AKAP10: variants seen among roughly 807,000 people sequenced by gnomAD.
The protein encoded by AKAP10 is A-kinase anchor protein 10, mitochondrial.
Under a neutral mutation model 80.8 loss-of-function variants are expected in AKAP10, and 24 were observed. The ratio of observed to expected loss-of-function variants is 0.30; its 90% CI spans 0.22 to 0.42. The LOEUF is 0.42. Ranked by LOEUF, AKAP10 falls within the 10% of genes least tolerant of loss-of-function variation. The probability of loss-of-function intolerance (pLI) is 1.00; values close to 1 mark genes in which losing one functional copy is unlikely to be tolerated. For synonymous variants in AKAP10, 291 were observed against 277.7 expected, an observed-to-expected ratio of 1.05 and a Z score of -0.48; for missense variants, 661 against 794.9, an observed-to-expected ratio of 0.83 and a Z score of 2.03.
rs778999187 is a variant in AKAP10, at chr17:19,958,316, T to C, written c.575A>G (p.His192Arg). ...AGTTAAAAAAGACGCTGTAGTTTCA[T>C]GCTTTTTAGATGGAGAGACAGGCTC... Reference protein sequence around the residue: ...LAEPVSPSKKHETTASFLTDS... With the variant: ...LAEPVSPSKKRETTASFLTDS... Residue 192 changes from histidine to arginine, a missense_variant, in exon 4 of 15, where the codon CAT (histidine) becomes CGT (arginine). Coordinates refer to ENST00000225737, the MANE Select transcript of AKAP10 (RefSeq NM_007202.4). The C allele has an allele frequency of 7.4e-6, 12 of 1,614,140 alleles. No individual in the cohort carries two copies. The highest frequency in any genetic ancestry group is 1.3e-5 in the African/African-American group (1 of 74,952).
chr17:19,949,748 CAGAA>C (rs906774994), intron 4 of AKAP10, among the ~76,000 whole-genome samples: 33 of 120,478 alleles, frequency 2.7e-4, no homozygotes, highest in Non-Finnish European at 5.0e-4. Flanking sequence ...AGCCTGGTAA[CAGAA>C]AGAGAGACTC....
rs1458300987 is a variant in AKAP10 at position 19,947,413 on chromosome 17, T to C, written c.970A>G (p.Ile324Val). The C allele has an allele frequency of 1.9e-6, 3 of 1,605,560 alleles. No individual in the cohort carries two copies. The highest frequency in any genetic ancestry group is 2.2e-5 in the East Asian group (1 of 44,812). The change falls in exon 5 of 15, where the codon ATC becomes GTC. Residue 324 changes from isoleucine to valine, a missense_variant. Ile to Val is a conservative substitution (Grantham distance 29). Coordinates refer to ENST00000225737, the MANE Select transcript of AKAP10 (RefSeq NM_007202.4). ...IPITEAMRND[I>V]IARICGEDGQ... ...AGTTTCAAGCACTGCTTACCTATGATGTCATTTCTCATTGCTTCTGTAATT... is the reference window on the plus strand; with the variant it reads ...AGTTTCAAGCACTGCTTACCTATGACGTCATTTCTCATTGCTTCTGTAATT...
intron 3 of AKAP10, among the ~76,000 whole-genome samples, chr17:19,960,163 C>A (rs1355196961): frequency 6.6e-6 from 1 of 152,188 alleles, no homozygotes. Context: ...AGTACAATAT[C>A]ACTCTAAGAT....
chr17:19,970,961 G>T (rs1414012258), intron 1 of AKAP10, among the ~76,000 whole-genome samples: 1 of 151,754 alleles, frequency 6.6e-6, no homozygotes, highest in Non-Finnish European at 1.5e-5. Context: ...GAGTGCAGTG[G>T]CCTGATAACA....
At chr17:19,910,575 A>T (rs776815060) in intron 12 of AKAP10, among the ~76,000 whole-genome samples, 35 of 152,230 alleles carry the variant, frequency 2.3e-4, no homozygotes, top group Non-Finnish European at 4.4e-4. Flanking sequence ...TTGATGAAAG[A>T]ACTAACATCT....
At chr17:19,949,676 G>A (rs2043176444) in intron 4 of AKAP10, among the ~76,000 whole-genome samples, 2 of 150,768 alleles carry the variant, frequency 1.3e-5, no homozygotes, top group South Asian at 4.2e-4. Flanking sequence ...GCTGAGGCAG[G>A]AGAAACACTT....
intron 10 of AKAP10, among the ~76,000 whole-genome samples, chr17:19,930,266 G>C (rs1194824438): frequency 1.3e-5 from 2 of 152,142 alleles, no homozygotes; most frequent in African/African-American, 4.8e-5. Context: ...AAGAACACTA[G>C]AAGGGGAATA....
chr17:19,945,167 T>C (rs1397201855), intron 5 of AKAP10, among the ~76,000 whole-genome samples: 4 of 152,240 alleles, frequency 2.6e-5, no homozygotes, highest in Non-Finnish European at 5.9e-5. Context: ...AACTTGATCC[T>C]TCAGAAGACT....
At chr17:19,944,409 T>C (rs925633413) in intron 5 of AKAP10, among the ~76,000 whole-genome samples, 2 of 152,134 alleles carry the variant, frequency 1.3e-5, no homozygotes, top group South Asian at 2.1e-4. Context: ...CTCAGCACTT[T>C]GGGAGGCCAA....
chr17:19,962,923 T>C lies in AKAP10; in HGVS notation c.236A>G (p.Asn79Ser), dbSNP rs779628139. 2.1e-5 allele frequency: 34 copies of C among 1,614,126 alleles called. No individual in the cohort carries two copies. The highest frequency in any genetic ancestry group is 1.9e-5 in the Non-Finnish European group (22 of 1,179,968). ...CCTGCTACTTGAAAAGGAGTCCATGTTGGCAGAAATGGCATTGATTGCAAC... is the reference window on the plus strand; with the variant it reads ...CCTGCTACTTGAAAAGGAGTCCATGCTGGCAGAAATGGCATTGATTGCAAC... ...SHVAINAISANMDSFSSSRTA... is the reference protein window; with the variant it reads ...SHVAINAISASMDSFSSSRTA... The change falls in exon 3 of 15, where the codon AAC (asparagine) becomes AGC (serine). Residue 79 changes from asparagine to serine, a missense_variant. Physicochemically the swap from Asn to Ser is conservative, Grantham distance 46 (BLOSUM62 1). Coordinates refer to ENST00000225737, the MANE Select transcript of AKAP10 (RefSeq NM_007202.4).
At chr17:19,974,881 C>T (rs1282087280) in intron 1 of AKAP10, among the ~76,000 whole-genome samples, 2 of 151,994 alleles carry the variant, frequency 1.3e-5, no homozygotes, top group African/African-American at 2.4e-5. Flanking sequence ...CTATGCTGTA[C>T]AGGTTGATCT....
At chr17:19,921,260 C>T (rs897021883) in intron 11 of AKAP10, among the ~76,000 whole-genome samples, 7 of 151,754 alleles carry the variant, frequency 4.6e-5, no homozygotes, top group Admixed American at 2.0e-4. Flanking sequence ...CTCCACCTCC[C>T]GGGTTCAAGT....
intron 4 of AKAP10, among the ~76,000 whole-genome samples, chr17:19,955,197 G>A (rs1295140239): frequency 3.3e-5 from 5 of 151,748 alleles, no homozygotes; most frequent in Admixed American, 2.0e-4. Flanking sequence ...ACTCCAGCTC[G>A]GGCGACAGAG....
chr17:19,929,999 C>CAAAAAAAAA (rs11365343), intron 10 of AKAP10, among the ~76,000 whole-genome samples: 2 of 81,844 alleles, frequency 2.4e-5, no homozygotes, highest in African/African-American at 4.1e-5. Flanking sequence ...CAACAAAAAC[C>CAAAAAAAAA]AAAAAAAAAA....
chr17:19,922,540 C>T (rs1257898957), intron 11 of AKAP10, among the ~76,000 whole-genome samples: 1 of 152,176 alleles, frequency 6.6e-6, no homozygotes, highest in African/African-American at 2.4e-5. Flanking sequence ...GCCACTGCGC[C>T]TGGTGAAGAT....
At position 19,958,176 on chromosome 17, in the gene AKAP10, A is replaced by G. The variant is rs1381747610; in HGVS notation, c.715T>C (p.Ser239Pro). The change falls in exon 4 of 15, where the codon TCC (serine) becomes CCC (proline). Residue 239 changes from serine to proline, a missense_variant. Transcript: ENST00000225737. Reference sequence around the variant, plus strand: ...GAATGGGCACTGTCACATTCCTGGGAAAGCAGCAAGTGATTCTGAGTGCTG... The same window carrying G: ...GAATGGGCACTGTCACATTCCTGGGGAAGCAGCAAGTGATTCTGAGTGCTG... The part of the protein sequence containing the change: ...TNSTQNHLLL[S>P]QECDSAHSLR... 1 of 1,614,210 alleles carries G rather than the reference A, an allele frequency of 6.2e-7. No homozygotes were observed. The highest frequency in any genetic ancestry group is 8.5e-7 in the Non-Finnish European group (1 of 1,180,050).
intron 10 of AKAP10, among the ~76,000 whole-genome samples, chr17:19,930,915 T>G (rs891934116): frequency 6.6e-6 from 1 of 152,050 alleles, no homozygotes; most frequent in Admixed American, 6.6e-5. Context: ...TTCACCACGT[T>G]GGCCAGGCTG....
chr17:19,969,117 G>A (rs980619397), intron 1 of AKAP10, among the ~76,000 whole-genome samples: 13 of 152,178 alleles, frequency 8.5e-5, no homozygotes, highest in African/African-American at 3.1e-4. Context: ...GCCAAGGCGG[G>A]TGGATCACCT....
chr17:19,912,325 T>A (rs370752045), intron 12 of AKAP10, among the ~76,000 whole-genome samples: 16 of 152,126 alleles, frequency 1.1e-4, no homozygotes, highest in African/African-American at 3.9e-4. Flanking sequence ...TCACCTGAGA[T>A]CAGGAGTTCG....
Sources: allele counts gnomAD v4.1 joint callset (sites outside exome capture counted in the v4.1 genomes callset), GRCh38; gene constraint gnomAD v4.1.1; transcripts MANE v1.5; gene names NCBI Gene and HGNC (gene_info 2026-07-23, HGNC 2026-07-21).